CNRIP1: variants seen among roughly 807,000 people sequenced by gnomAD.
CNRIP1 encodes the protein CB1 cannabinoid receptor-interacting protein 1.
Under a neutral mutation model 15.2 loss-of-function variants are expected in CNRIP1, and 10 were observed. The observed-to-expected ratio is 0.66, with a 90% CI of 0.41 to 1.12. The LOEUF (loss-of-function observed/expected upper bound fraction) is 1.12, where lower values mean the gene tolerates loss of function less well. Among genes scored for constraint, CNRIP1 ranks in the 50% most tolerant of loss-of-function variants. The pLI is 0.00. For synonymous variants in CNRIP1, 91 were observed against 83.2 expected (o/e 1.09, Z -0.51); for missense variants, 211 against 214.7 (o/e 0.98, Z 0.11).
chr2:68,291,755 C>T (rs184511897), downstream of CNRIP1, among the ~76,000 whole-genome samples: 8 of 151,638 alleles, frequency 5.3e-5, no homozygotes, highest in South Asian at 6.3e-4. Context: ...AGCACACGCC[C>T]GTAATCCCAG....
intron 2 of CNRIP1, chr2:68,284,551 C>T: frequency 9.5e-7 from 1 of 1,048,314 alleles, no homozygotes. Context: ...GTGACTCACG[C>T]CCGTAATCCC....
At chr2:68,303,004 C>T (rs943596404) in intron 2 of CNRIP1, among the ~76,000 whole-genome samples, 3 of 151,822 alleles carry the variant, frequency 2.0e-5, no homozygotes, top group Non-Finnish European at 4.4e-5. Context: ...CCCGCTACCT[C>T]GCCCGGCTAA....
At chr2:68,297,492 C>T (rs969496339) in intron 2 of CNRIP1, among the ~76,000 whole-genome samples, 1 of 144,256 alleles carries the variant, frequency 6.9e-6, no homozygotes, top group Non-Finnish European at 1.5e-5. Context: ...CGCTTGAGCT[C>T]AGGAGGCAGA....
intron 2 of CNRIP1, among the ~76,000 whole-genome samples, chr2:68,302,991 GCGCC>G (rs1434387593): frequency 2.0e-5 from 3 of 151,872 alleles, no homozygotes; most frequent in Non-Finnish European, 4.4e-5. Flanking sequence ...GGGACTACAG[GCGCC>G]CGCTACCTCG....
chr2:68,311,500 G>A (rs1002242952), intron 2 of CNRIP1, among the ~76,000 whole-genome samples: 33 of 152,052 alleles, frequency 2.2e-4, no homozygotes, highest in East Asian at 9.6e-4. Context: ...TAGGTCGGGC[G>A]CGGCAGCTCA....
At chr2:68,306,769 AG>A (rs1207332449) in intron 2 of CNRIP1, among the ~76,000 whole-genome samples, 2 of 140,044 alleles carry the variant, frequency 1.4e-5, no homozygotes, top group African/African-American at 5.5e-5. Flanking sequence ...TGACAGAGCA[AG>A]ACTCCATTAA....
intron 2 of CNRIP1, among the ~76,000 whole-genome samples, chr2:68,312,651 G>A (rs1206373936): frequency 6.6e-6 from 1 of 152,062 alleles, no homozygotes; most frequent in Non-Finnish European, 1.5e-5. Flanking sequence ...AGATTGGAAA[G>A]AAAAGAGAAA....
At chr2:68,299,243 T>C (rs1671509818) in intron 2 of CNRIP1, among the ~76,000 whole-genome samples, 1 of 152,200 alleles carries the variant, frequency 6.6e-6, no homozygotes, top group South Asian at 2.1e-4. Context: ...CAGTTTTTTT[T>C]TCTCCCTGAA....
chr2:68,302,204 CT>C (rs1671637550), intron 2 of CNRIP1, among the ~76,000 whole-genome samples: 2 of 152,148 alleles, frequency 1.3e-5, no homozygotes, highest in Admixed American at 1.3e-4. Context: ...TTACACATTT[CT>C]AATAATTTGT....
intron 2 of CNRIP1, chr2:68,316,616 T>C (rs777002639): frequency 5.4e-5 from 8 of 149,150 alleles, no homozygotes; most frequent in Non-Finnish European, 1.0e-4. Context: ...TACCAGATAT[T>C]ATATATAATA....
intron 2 of CNRIP1, among the ~76,000 whole-genome samples, chr2:68,304,747 A>G (rs1275223045): frequency 1.3e-5 from 2 of 151,982 alleles, no homozygotes; most frequent in Admixed American, 6.6e-5. Context: ...CAACCTCCCA[A>G]GTAGCTGGGA....
chr2:68,303,049 G>T (rs181693871), intron 2 of CNRIP1, among the ~76,000 whole-genome samples: 3 of 151,818 alleles, frequency 2.0e-5, no homozygotes, highest in African/African-American at 7.3e-5. Context: ...GGGTTTCACT[G>T]TGTTAGCCAG....
intron 2 of CNRIP1, among the ~76,000 whole-genome samples, chr2:68,307,695 C>T (rs950127789): frequency 1.3e-5 from 2 of 152,048 alleles, no homozygotes; most frequent in East Asian, 3.9e-4. Flanking sequence ...GACTACTCCC[C>T]AGATGTTAGA....
chr2:68,303,061 A>G lies in CNRIP1; in HGVS notation c.331-9035T>C, dbSNP rs148583094. 2.0e-4 allele frequency among the ~76,000 whole-genome samples: 30 copies of G among 151,606 alleles called. No homozygotes were observed. In the East Asian group the frequency reaches 5.9e-3, roughly 30 times the overall value. On this transcript the variant is annotated intron_variant, in intron 2 of 2. Coordinates refer to ENST00000263655, the MANE Select transcript of CNRIP1 (RefSeq NM_015463.3). ...ACGGGGTTTCACTGTGTTAGCCAGG[A>G]TGGTCTCGATCTCCTGACTTCGTGA...
rs75271499 is a variant in CNRIP1 at position 68,298,135 on chromosome 2, G to A, written c.331-4109C>T. Reference sequence around the variant, plus strand: ...ATGACTTTGTTCACAATAGGTTAGTGGTGGTATGTATAAATCAAAATCTCA... The same window carrying A: ...ATGACTTTGTTCACAATAGGTTAGTAGTGGTATGTATAAATCAAAATCTCA... On this transcript the variant is annotated intron_variant, in intron 2 of 2. Transcript: ENST00000263655. Among the ~76,000 whole-genome samples, 968 of 152,106 alleles carry A rather than the reference G, an allele frequency of 6.4e-3. 13 individuals are homozygous for A. Among genetic ancestry groups the A allele is most frequent in the African/African-American group, 0.022 (920 of 41,474 alleles).
chr2:68,303,071 T>A (rs1346915273), intron 2 of CNRIP1, among the ~76,000 whole-genome samples: 1 of 149,054 alleles, frequency 6.7e-6, no homozygotes, highest in East Asian at 2.2e-4. Flanking sequence ...ATGGTCTCGA[T>A]CTCCTGACTT....
chr2:68,306,029 C>G, intron 2 of CNRIP1, among the ~76,000 whole-genome samples: 1 of 142,242 alleles, frequency 7.0e-6, no homozygotes, highest in Non-Finnish European at 1.5e-5. Context: ...ACTAGAGAGG[C>G]TGAGGTAGGA....
chr2:68,288,832 A>G (rs1671094515), downstream of CNRIP1, among the ~76,000 whole-genome samples: 1 of 152,208 alleles, frequency 6.6e-6, no homozygotes, highest in Non-Finnish European at 1.5e-5. Context: ...GTGGGCAGGT[A>G]ATGAGGTGAT....
At position 68,319,468 on chromosome 2, in the gene CNRIP1, T is replaced by C; in HGVS notation, c.-68A>G. ...ACAGCGCCGGCTGCGGCCGAGTGGC[T>C]GGAGCGCGAGGGGCGGAGAGGAAGC... On this transcript the variant is annotated 5_prime_UTR_variant, in exon 1 of 3. Coordinates refer to ENST00000263655, the MANE Select transcript of CNRIP1 (RefSeq NM_015463.3). 4.2e-6 allele frequency: 6 copies of C among 1,416,870 alleles called. No homozygotes were observed. Among genetic ancestry groups the C allele is most frequent in the Non-Finnish European group, 5.5e-6 (6 of 1,081,440 alleles). The allele number at this position is 1,416,870 out of a possible 1,614,324, so 87.8% of individuals were successfully genotyped here. A position where few individuals can be genotyped will look rare whatever the true frequency, so the allele number is the denominator to read the frequency against.
Sources: allele counts gnomAD v4.1 joint callset (sites outside exome capture counted in the v4.1 genomes callset), GRCh38; gene constraint gnomAD v4.1.1; transcripts MANE v1.5; gene names NCBI Gene and HGNC (gene_info 2026-07-23, HGNC 2026-07-21).